CACNA2D1: variants seen among roughly 807,000 people sequenced by gnomAD.
CACNA2D1 encodes the protein voltage-dependent calcium channel subunit alpha-2/delta-1.
A neutral mutation model predicts 171.5 loss-of-function variants in CACNA2D1; 53 were observed. That is an observed-to-expected ratio of 0.31 (90% confidence interval 0.25 to 0.39). CACNA2D1 has a LOEUF of 0.39. Ranked by LOEUF, CACNA2D1 falls within the 10% of genes least tolerant of loss-of-function variation. CACNA2D1 has a pLI of 1.00. For missense variants in CACNA2D1, 903 were observed against 1,299.8 expected, an observed-to-expected ratio of 0.69 and a Z score of 4.69; for synonymous variants, 442 against 443.1, an observed-to-expected ratio of 1.00 and a Z score of 0.03.
chr7:82,356,569 T>G (rs1327643314), intron 1 of CACNA2D1, among the ~76,000 whole-genome samples: 1 of 152,278 alleles, frequency 6.6e-6, no homozygotes, highest in East Asian at 1.9e-4. Context: ...ATTTCCAAAA[T>G]TTTTATGACA....
At chr7:82,143,300 A>C (rs1361785671) in intron 4 of CACNA2D1, among the ~76,000 whole-genome samples, 1 of 152,170 alleles carries the variant, frequency 6.6e-6, no homozygotes, top group African/African-American at 2.4e-5. Flanking sequence ...AAGAGACAAT[A>C]AGATAATTGA....
intron 1 of CACNA2D1, among the ~76,000 whole-genome samples, chr7:82,381,000 T>A (rs1335601779): frequency 6.6e-6 from 1 of 151,914 alleles, no homozygotes; most frequent in East Asian, 2.0e-4. Context: ...CGGCCACATT[T>A]ATTATTAATG....
intron 3 of CACNA2D1, among the ~76,000 whole-genome samples, chr7:82,177,217 G>GA (rs986344747): frequency 1.5e-4 from 22 of 150,876 alleles, no homozygotes; most frequent in African/African-American, 4.6e-4. Context: ...CTTTATGTAA[G>GA]AAAAAAAAGT....
At chr7:82,350,934 A>G (rs1415281071) in intron 1 of CACNA2D1, among the ~76,000 whole-genome samples, 5 of 152,238 alleles carry the variant, frequency 3.3e-5, no homozygotes, top group Non-Finnish European at 7.3e-5. Context: ...CCCTAAATCC[A>G]TGTTCTATCT....
intron 4 of CACNA2D1, among the ~76,000 whole-genome samples, chr7:82,140,376 T>C (rs1646778186): frequency 6.6e-6 from 1 of 152,184 alleles, no homozygotes; most frequent in Admixed American, 6.5e-5. Flanking sequence ...CCTCATATGA[T>C]AAATATGCTT....
At chr7:82,255,974 T>C (rs747428425) in intron 3 of CACNA2D1, among the ~76,000 whole-genome samples, 8 of 152,132 alleles carry the variant, frequency 5.3e-5, no homozygotes, top group South Asian at 2.1e-4. Flanking sequence ...ACAGAAGCCA[T>C]GAACTAAAGT....
At chr7:82,388,952 C>T (rs1824754908) in intron 1 of CACNA2D1, among the ~76,000 whole-genome samples, 5 of 151,752 alleles carry the variant, frequency 3.3e-5, no homozygotes, top group Middle Eastern at 6.8e-3. Flanking sequence ...CCTGTCTCTA[C>T]TAAAAATACA....
At chr7:82,202,449 G>A (rs1280133901) in intron 3 of CACNA2D1, among the ~76,000 whole-genome samples, 5 of 152,106 alleles carry the variant, frequency 3.3e-5, no homozygotes, top group East Asian at 1.9e-4. Context: ...TGTGGTGGCC[G>A]GTGGCAGCTT....
At chr7:82,395,217 A>C (rs1357187736) in intron 1 of CACNA2D1, among the ~76,000 whole-genome samples, 1 of 152,110 alleles carries the variant, frequency 6.6e-6, no homozygotes, top group Non-Finnish European at 1.5e-5. Context: ...AACACAAAAA[A>C]ACTCCAACTC....
intron 10 of CACNA2D1, among the ~76,000 whole-genome samples, chr7:82,047,292 T>C (rs913572913): frequency 3.3e-5 from 5 of 152,168 alleles, no homozygotes; most frequent in Non-Finnish European, 7.3e-5. Context: ...AATGAAATGA[T>C]GAAACAATCA....
intron 20 of CACNA2D1, 139 bp from the exon 21 acceptor site, chr7:81,991,385 A>C (rs1797524943): frequency 1.9e-6 from 1 of 519,870 alleles, no homozygotes; most frequent in African/African-American, 1.9e-5. Flanking sequence ...ATTTTATTCT[A>C]TATTTATTTA....
At chr7:82,171,004 G>A (rs897890914) in intron 3 of CACNA2D1, among the ~76,000 whole-genome samples, 6 of 151,906 alleles carry the variant, frequency 3.9e-5, no homozygotes, top group African/African-American at 1.5e-4. Flanking sequence ...ATGACATTGA[G>A]AGATTAATAT....
chr7:82,149,790 A>T (rs1360091607), intron 4 of CACNA2D1, among the ~76,000 whole-genome samples: 1 of 144,532 alleles, frequency 6.9e-6, no homozygotes, highest in Admixed American at 6.9e-5. Context: ...AAACAAACAA[A>T]CAACAAAAAA....
At chr7:82,268,462 C>T (rs1274449366) in intron 3 of CACNA2D1, among the ~76,000 whole-genome samples, 2 of 152,090 alleles carry the variant, frequency 1.3e-5, no homozygotes, top group African/African-American at 4.8e-5. Context: ...TATTTAATTA[C>T]AAAAATTTAC....
At chr7:82,088,303 G>A (rs902259388) in intron 6 of CACNA2D1, among the ~76,000 whole-genome samples, 7 of 151,980 alleles carry the variant, frequency 4.6e-5, no homozygotes, top group African/African-American at 1.2e-4. Context: ...GGTACAAAAC[G>A]TCATTTTTTC....
At chr7:82,235,261 T>C (rs1399915656) in intron 3 of CACNA2D1, among the ~76,000 whole-genome samples, 7 of 152,148 alleles carry the variant, frequency 4.6e-5, no homozygotes, top group Admixed American at 4.6e-4. Flanking sequence ...TCTCTGCAGA[T>C]AAAAATATAA....
chr7:82,007,120 T>C (rs1470271175), intron 16 of CACNA2D1, among the ~76,000 whole-genome samples: 4 of 152,084 alleles, frequency 2.6e-5, no homozygotes, highest in East Asian at 1.9e-4. Flanking sequence ...TTTTACTGCA[T>C]TGACAAAAAA....
intron 3 of CACNA2D1, among the ~76,000 whole-genome samples, chr7:82,223,043 A>C (rs1801963481): frequency 6.6e-6 from 1 of 151,802 alleles, no homozygotes; most frequent in Admixed American, 6.6e-5. Context: ...AACTGGGATT[A>C]CAGGCACATG....
chr7:82,379,696 A>C (rs1823471385), intron 1 of CACNA2D1, among the ~76,000 whole-genome samples: 1 of 152,138 alleles, frequency 6.6e-6, no homozygotes, highest in African/African-American at 2.4e-5. Context: ...TTCTGTTGAT[A>C]TGTTTTGTTT....
Sources: gnomAD v4.1 joint callset for allele counts (sites outside exome capture counted in the v4.1 genomes callset) on GRCh38, gnomAD v4.1.1 for gene constraint, MANE v1.5 for transcripts, NCBI Gene and HGNC (gene_info 2026-07-23, HGNC 2026-07-21) for gene names.